ATRNL1: variants seen among roughly 807,000 people sequenced by gnomAD.
The protein encoded by ATRNL1 is attractin-like protein 1.
A neutral mutation model predicts 182.7 loss-of-function variants in ATRNL1; 95 were observed. The observed-to-expected ratio is 0.52, with a 90% CI of 0.44 to 0.62. ATRNL1 has a LOEUF of 0.62. Ranked by LOEUF, ATRNL1 falls within the 20% of genes least tolerant of loss-of-function variation. The probability of loss-of-function intolerance (pLI) is 0.00; values close to 1 mark genes in which losing one functional copy is unlikely to be tolerated. For missense variants in ATRNL1, 1,471 were observed against 1,679.5 expected (o/e 0.88, Z 2.17); for synonymous variants, 576 against 568.3 (o/e 1.01, Z -0.19).
intron 26 of ATRNL1, among the ~76,000 whole-genome samples, chr10:115,584,034 T>C (rs1855317576): frequency 1.3e-5 from 2 of 152,168 alleles, no homozygotes; most frequent in African/African-American, 4.8e-5. Context: ...TTTGGTTCTG[T>C]TTATATGCTG....
intron 3 of ATRNL1, among the ~76,000 whole-genome samples, chr10:115,124,003 G>A (rs1844855480): frequency 6.6e-6 from 1 of 151,774 alleles, no homozygotes; most frequent in Admixed American, 6.6e-5. Flanking sequence ...CTACATTATG[G>A]CGGGTTGTAT....
intron 19 of ATRNL1, among the ~76,000 whole-genome samples, chr10:115,358,812 G>A (rs1027820628): frequency 1.3e-5 from 2 of 151,474 alleles, no homozygotes; most frequent in African/African-American, 2.4e-5. Context: ...CTAGTGGCCA[G>A]CTCTTATCCA....
chr10:115,864,264 G>A (rs4751934), intron 28 of ATRNL1, among the ~76,000 whole-genome samples: 139,406 of 149,052 alleles, frequency 0.94, 65,840 homozygotes, highest in East Asian at 1. Context: ...GAGACCCAGT[G>A]TCACAAGAAA....
intron 26 of ATRNL1, among the ~76,000 whole-genome samples, chr10:115,655,670 A>G (rs1860285051): frequency 1.3e-5 from 2 of 152,202 alleles, no homozygotes; most frequent in Admixed American, 1.3e-4. Flanking sequence ...ATCCAAGTCA[A>G]TTTCAGTTTT....
intron 19 of ATRNL1, among the ~76,000 whole-genome samples, chr10:115,377,956 G>A (rs116284392): frequency 0.013 from 1,957 of 152,226 alleles, 37 homozygotes; most frequent in African/African-American, 0.044. Flanking sequence ...CATTTGGTCT[G>A]TGGCCACATA....
intron 9 of ATRNL1, among the ~76,000 whole-genome samples, chr10:115,235,554 A>G (rs1850147241): frequency 6.6e-6 from 1 of 151,950 alleles, no homozygotes; most frequent in South Asian, 2.1e-4. Context: ...GTATTATACC[A>G]TATATCAGTG....
At chr10:115,283,138 G>A (rs1852449693) in intron 14 of ATRNL1, among the ~76,000 whole-genome samples, 1 of 152,124 alleles carries the variant, frequency 6.6e-6, no homozygotes, top group African/African-American at 2.4e-5. Flanking sequence ...TTGCGGTCAG[G>A]TACGGTGTCT....
At chr10:115,721,257 C>A (rs1015012846) in intron 26 of ATRNL1, among the ~76,000 whole-genome samples, 1 of 152,082 alleles carries the variant, frequency 6.6e-6, no homozygotes, top group African/African-American at 2.4e-5. Context: ...TAATTTAATC[C>A]GTTATTTTGA....
At chr10:115,870,729 G>A (rs1555105911) in intron 28 of ATRNL1, among the ~76,000 whole-genome samples, 1 of 152,182 alleles carries the variant, frequency 6.6e-6, no homozygotes, top group Non-Finnish European at 1.5e-5. Context: ...ATGGCTAAGA[G>A]CATAGACTCT....
intron 8 of ATRNL1, among the ~76,000 whole-genome samples, chr10:115,214,057 C>CACACACAT (rs1554895601): frequency 5.9e-5 from 9 of 151,282 alleles, no homozygotes; most frequent in Non-Finnish European, 8.8e-5. Context: ...CACACACACA[C>CACACACAT]ACACACACAC....
intron 27 of ATRNL1, among the ~76,000 whole-genome samples, chr10:115,742,989 C>A (rs552843387): frequency 6.6e-6 from 1 of 152,160 alleles, no homozygotes; most frequent in South Asian, 2.1e-4. Flanking sequence ...GCAAATATGT[C>A]CTTCTCCACA....
chr10:115,482,711 A>T (rs940683035), intron 24 of ATRNL1, among the ~76,000 whole-genome samples: 1 of 151,182 alleles, frequency 6.6e-6, no homozygotes, highest in Admixed American at 6.6e-5. Flanking sequence ...TTATTTAAGA[A>T]TCATTATTTG....
At chr10:115,531,498 G>C (rs1334288686) in intron 25 of ATRNL1, among the ~76,000 whole-genome samples, 1 of 151,750 alleles carries the variant, frequency 6.6e-6, no homozygotes, top group African/African-American at 2.4e-5. Flanking sequence ...TTGTAAATTT[G>C]TTTGAGTTCA....
intron 26 of ATRNL1, among the ~76,000 whole-genome samples, chr10:115,594,702 C>T (rs1299219834): frequency 6.6e-6 from 1 of 152,074 alleles, no homozygotes; most frequent in Admixed American, 6.6e-5. Context: ...ATGAGGTTTC[C>T]TCATGTTGGC....
chr10:115,411,586 AT>A (rs36103918), intron 20 of ATRNL1, among the ~76,000 whole-genome samples: 57,709 of 151,620 alleles, frequency 0.38, 12,136 homozygotes, highest in African/African-American at 0.57. Flanking sequence ...TAATTAAGCC[AT>A]TACAGAAGAC....
At chr10:115,257,702 T>C (rs1396363222) in intron 10 of ATRNL1, among the ~76,000 whole-genome samples, 1 of 152,250 alleles carries the variant, frequency 6.6e-6, no homozygotes, top group Non-Finnish European at 1.5e-5. Context: ...CTTTGTAGCA[T>C]CTATGGTCTT....
At chr10:115,336,978 TG>T (rs34446671) in intron 19 of ATRNL1, among the ~76,000 whole-genome samples, 101,903 of 143,468 alleles carry the variant, frequency 0.71, 36,351 homozygotes, top group East Asian at 0.81. Flanking sequence ...CCCAAGTAGC[TG>T]GGGGGGGGGG....
At chr10:115,589,063 G>T (rs1855749634) in intron 26 of ATRNL1, among the ~76,000 whole-genome samples, 1 of 152,102 alleles carries the variant, frequency 6.6e-6, no homozygotes, top group Non-Finnish European at 1.5e-5. Context: ...AAATAGATAA[G>T]ACATAGAGAT....
chr10:115,636,676 G>A (rs1173528934), intron 26 of ATRNL1, among the ~76,000 whole-genome samples: 2 of 151,466 alleles, frequency 1.3e-5, no homozygotes, highest in Non-Finnish European at 2.9e-5. Flanking sequence ...ATTAAACATA[G>A]GTTACCATAT....
Sources: allele counts gnomAD v4.1 joint callset (sites outside exome capture counted in the v4.1 genomes callset), GRCh38; gene constraint gnomAD v4.1.1; transcripts MANE v1.5; gene names NCBI Gene and HGNC (gene_info 2026-07-23, HGNC 2026-07-21).